KHDRBS2: variants seen among roughly 807,000 people sequenced by gnomAD.
KHDRBS2 encodes the protein KH RNA binding domain containing, signal transduction associated 2.
In KHDRBS2, 26 loss-of-function variants were observed where a neutral mutation model predicts 44.3. The observed-to-expected ratio is 0.59, with a 90% confidence interval of 0.43 to 0.81. The LOEUF is 0.81. Among genes scored for constraint, KHDRBS2 ranks in the 40% least tolerant of loss-of-function variants. KHDRBS2 has a pLI of 0.00. For missense variants in KHDRBS2, 476 were observed against 433.1 expected, an observed-to-expected ratio of 1.10 and a Z score of -0.88; for synonymous variants, 194 against 151.1, an observed-to-expected ratio of 1.28 and a Z score of -2.08.
chr6:61,832,728 A>G (rs975311037), intron 6 of KHDRBS2, among the ~76,000 whole-genome samples: 2 of 152,242 alleles, frequency 1.3e-5, no homozygotes, highest in East Asian at 1.9e-4. Flanking sequence ...GAAAGATACA[A>G]TGATTGAAGC....
At position 62,286,189 on chromosome 6, in the gene KHDRBS2, A is replaced by C; in HGVS notation, c.-241T>G. On this transcript the variant is annotated 5_prime_UTR_variant, in exon 1 of 9. Transcript: ENST00000281156. ...CCTCGCTCGCGCAGAGCCCCGGCTC[A>C]CACCAGCGGCCTTAACTGGAGAGGC... The C allele has an allele frequency of 1.9e-6, 1 of 523,422 alleles. No homozygotes were observed. The highest frequency in any genetic ancestry group is 3.3e-6 in the Non-Finnish European group (1 of 299,716). The allele number at this position is 523,422 out of a possible 1,614,324, so 32.4% of individuals were successfully genotyped here.
At chr6:61,603,145 G>A in the KHDRBS2 span, among the ~76,000 whole-genome samples, 210 of 152,242 alleles carry the variant, frequency 1.4e-3, no homozygotes, top group African/African-American at 5.0e-3. Context: ...TCACTTGCCT[G>A]TTACAGCATG....
intron 3 of KHDRBS2, among the ~76,000 whole-genome samples, chr6:61,996,007 A>G (rs1349823106): frequency 2.0e-5 from 3 of 152,208 alleles, no homozygotes; most frequent in Non-Finnish European, 4.4e-5. Flanking sequence ...TAGATCATCT[A>G]ATAACACTGG....
the KHDRBS2 span, among the ~76,000 whole-genome samples, chr6:61,570,004 T>C: frequency 2.0e-5 from 3 of 152,132 alleles, no homozygotes; most frequent in Admixed American, 2.0e-4. Context: ...TCTGGTATTA[T>C]GACAAAACAG....
Position 62,230,192 on chromosome 6 carries a change from G to A in KHDRBS2, c.92-52880C>T, listed in dbSNP as rs1342651275. On this transcript the variant is annotated intron_variant, in intron 1 of 8. Coordinates refer to ENST00000281156, the MANE Select transcript of KHDRBS2 (RefSeq NM_152688.4). ...CTCCTTTTCTTCTTTATTACTTTAG[G>A]TTTATAAAACACTAAAGCAAGAAAT... Among the ~76,000 whole-genome samples, 6 of 151,838 alleles carry A rather than the reference G, an allele frequency of 4.0e-5. No homozygotes were observed. The East Asian group carries it at 1.2e-3, about 29-fold the overall frequency.
chr6:62,208,009 A>T (rs1482049514), intron 1 of KHDRBS2, among the ~76,000 whole-genome samples: 1 of 152,108 alleles, frequency 6.6e-6, no homozygotes, highest in Admixed American at 6.6e-5. Flanking sequence ...CACATCTGCT[A>T]TTTTATAGAC....
chr6:62,208,230 G>GT (rs555067007), intron 1 of KHDRBS2, among the ~76,000 whole-genome samples: 2 of 152,046 alleles, frequency 1.3e-5, no homozygotes, highest in African/African-American at 4.8e-5. Context: ...TTTTTTTCTT[G>GT]TTTTTTACAG....
At chr6:62,058,239 C>T (rs1018621600) in intron 2 of KHDRBS2, among the ~76,000 whole-genome samples, 7 of 151,808 alleles carry the variant, frequency 4.6e-5, no homozygotes, top group African/African-American at 1.4e-4. Flanking sequence ...ACTGGCATCA[C>T]CTGTGAAGAA....
intron 4 of KHDRBS2, among the ~76,000 whole-genome samples, chr6:61,949,004 C>A (rs935975505): frequency 6.6e-6 from 1 of 151,980 alleles, no homozygotes; most frequent in Non-Finnish European, 1.5e-5. Flanking sequence ...AGAAGAAACT[C>A]GACTATTCAG....
intron 4 of KHDRBS2, among the ~76,000 whole-genome samples, chr6:61,912,644 C>A (rs898066101): frequency 2.0e-5 from 3 of 152,126 alleles, no homozygotes; most frequent in Non-Finnish European, 4.4e-5. Flanking sequence ...CATCTCTCTG[C>A]TCTCAGGCTT....
At chr6:61,732,410 A>G (rs1774624823) in intron 7 of KHDRBS2, among the ~76,000 whole-genome samples, 2 of 152,132 alleles carry the variant, frequency 1.3e-5, no homozygotes, top group African/African-American at 4.8e-5. Flanking sequence ...TCTAAAAATA[A>G]CATTTAGTTA....
chr6:62,259,768 C>T (rs1239588250), intron 1 of KHDRBS2, among the ~76,000 whole-genome samples: 2 of 151,952 alleles, frequency 1.3e-5, no homozygotes, highest in Non-Finnish European at 2.9e-5. Context: ...TTTTTACCCA[C>T]CATATTCATT....
At chr6:61,716,655 C>G (rs896894119) in intron 7 of KHDRBS2, among the ~76,000 whole-genome samples, 6 of 152,016 alleles carry the variant, frequency 3.9e-5, no homozygotes, top group African/African-American at 1.4e-4. Flanking sequence ...CTGCCACAGT[C>G]TCTACCACTC....
rs186685029 is a variant in KHDRBS2 at position 61,931,202 on chromosome 6, T to G, written c.484-29831A>C. On this transcript the variant is annotated intron_variant, in intron 4 of 8. Transcript: ENST00000281156. The stretch of plus-strand genomic sequence containing the variant: ...TTCACTGAAAATCACTATAAGAAAA[T>G]AGGGCTTGATTCCTTACATACTACA... Among the ~76,000 whole-genome samples the G allele has an allele frequency of 5.3e-5, 8 of 151,998 alleles. No individual in the cohort carries two copies. The East Asian group carries it at 1.4e-3, about 26-fold the overall frequency.
intron 6 of KHDRBS2, among the ~76,000 whole-genome samples, chr6:61,831,927 T>C (rs1362471660): frequency 6.6e-6 from 1 of 152,178 alleles, no homozygotes; most frequent in Admixed American, 6.5e-5. Flanking sequence ...GAGGTGAAGA[T>C]ATTTGTACAC....
intron 3 of KHDRBS2, among the ~76,000 whole-genome samples, chr6:62,042,246 C>T (rs1786687288): frequency 6.6e-6 from 1 of 151,478 alleles, no homozygotes; most frequent in African/African-American, 2.4e-5. Context: ...AATAAAATTC[C>T]ACTTATCTAT....
intron 6 of KHDRBS2, among the ~76,000 whole-genome samples, chr6:61,752,286 G>C (rs766140490): frequency 6.6e-6 from 1 of 152,090 alleles, no homozygotes; most frequent in Non-Finnish European, 1.5e-5. Context: ...TGTTCTGCAA[G>C]ATAAGGATGA....
At chr6:61,589,636 GA>G in the KHDRBS2 span, among the ~76,000 whole-genome samples, 1 of 152,030 alleles carries the variant, frequency 6.6e-6, no homozygotes, top group African/African-American at 2.4e-5. Context: ...GCAAACTGTG[GA>G]CTGGATAGGA....
chr6:61,722,715 A>AT lies in KHDRBS2; in HGVS notation c.893+9966dup, dbSNP rs11327085. 8.9e-3 allele frequency among the ~76,000 whole-genome samples: 1,307 copies of AT among 146,486 alleles called. 11 individuals are homozygous for AT. The highest frequency in any genetic ancestry group is 0.029 in the South Asian group (135 of 4,608). Reference sequence around the variant, plus strand: ...AGGATGATTCTAATTATATATTTCTATTTTTTTTTTTTTAGATGGAGTCTC... The same window carrying AT: ...AGGATGATTCTAATTATATATTTCTATTTTTTTTTTTTTTAGATGGAGTCTC... On this transcript the variant is annotated intron_variant, in intron 7 of 8. Transcript: ENST00000281156.
Sources: gnomAD v4.1 joint callset for allele counts (sites outside exome capture counted in the v4.1 genomes callset) on GRCh38, gnomAD v4.1.1 for gene constraint, MANE v1.5 for transcripts, NCBI Gene and HGNC (gene_info 2026-07-23, HGNC 2026-07-21) for gene names.